Variants in RGS12 observed in about 807,000 individuals in gnomAD.
The protein encoded by RGS12 is regulator of G protein signaling 12, also known as regulator of G-protein signaling 12.
Under a neutral mutation model 120.1 loss-of-function variants are expected in RGS12, and 66 were observed. The ratio of observed to expected loss-of-function variants is 0.55; its 90% confidence interval spans 0.45 to 0.67. The LOEUF (loss-of-function observed/expected upper bound fraction) is 0.67, where lower values mean the gene tolerates loss of function less well. Ranked by LOEUF, RGS12 falls within the 30% of genes least tolerant of loss-of-function variation. The pLI is 0.00. For missense variants in RGS12, 1,859 were observed against 1,957.7 expected (o/e 0.95, Z 0.95); for synonymous variants, 827 against 804.7 (o/e 1.03, Z -0.47).
At chr4:3,392,859 A>G (rs1719649381) in intron 4 of RGS12, among the ~76,000 whole-genome samples, 1 of 152,134 alleles carries the variant, frequency 6.6e-6, no homozygotes, top group South Asian at 2.1e-4. Context: ...ATGGTGGCAG[A>G]TGCCTGTAAT....
At chr4:3,402,753 G>A (rs908884202) in intron 4 of RGS12, among the ~76,000 whole-genome samples, 6 of 152,188 alleles carry the variant, frequency 3.9e-5, no homozygotes, top group Admixed American at 3.3e-4. Flanking sequence ...GAAGAAGAAT[G>A]TCTTTACAAA....
At chr4:3,295,990 G>A (rs1391199070) in intron 1 of RGS12, among the ~76,000 whole-genome samples, 1 of 152,180 alleles carries the variant, frequency 6.6e-6, no homozygotes, top group Non-Finnish European at 1.5e-5. Context: ...GCTCCCTCCC[G>A]AGGCACTGGA....
rs765558140 is a variant in RGS12 at position 3,428,686 on chromosome 4, G to A, written c.3540G>A (p.Gln1180=). ...CAAAGATTGGGAAAAAAAAATATCA[G>A]AAAATTAATTTGGACGAAGCAGAGG... ...SIAKIGKKKY[Q]KINLDEAEEF... Residue 1180 remains glutamine, a synonymous_variant, in exon 16 of 18, where the codon CAG becomes CAA. Coordinates refer to ENST00000336727, the MANE Select transcript of RGS12 (RefSeq NM_001394154.1). 1 of 1,594,806 alleles carries A rather than the reference G, an allele frequency of 6.3e-7. No homozygotes were observed. Among genetic ancestry groups the A allele is most frequent in the South Asian group, 1.2e-5 (1 of 86,550 alleles).
chr4:3,317,261 C>T lies in RGS12; in HGVS notation c.1091C>T (p.Thr364Met), dbSNP rs780443567. ...GCTCGGCGGTTTGGGTTTGAGTGCACGGCCGACCCAGACACCAATGGCTGT... is the reference window on the plus strand; with the variant it reads ...GCTCGGCGGTTTGGGTTTGAGTGCATGGCCGACCCAGACACCAATGGCTGT... ...GIARRFGFEC[T>M]ADPDTNGCLE... Residue 364 changes from threonine to methionine, a missense_variant, in exon 2 of 18, where the codon ACG (threonine) becomes ATG (methionine). By Grantham distance (81) the Thr-to-Met change is moderately conservative. Around this residue, in one of 3 missense-constraint regions of RGS12, gnomAD observed 967 missense variants for 994.2 expected, o/e 0.97. Coordinates refer to ENST00000336727, the MANE Select transcript of RGS12 (RefSeq NM_001394154.1). 1.2e-5 allele frequency: 20 copies of T among 1,614,024 alleles called. No homozygotes were observed. The highest frequency in any genetic ancestry group is 6.7e-5 in the African/African-American group (5 of 74,928).
Position 3,389,981 on chromosome 4 carries a change from C to T in RGS12, c.2020+3544C>T, listed in dbSNP as rs1719312050. On this transcript the variant is annotated intron_variant, in intron 4 of 17. Coordinates refer to ENST00000336727, the MANE Select transcript of RGS12 (RefSeq NM_001394154.1). The surrounding 1 kb of genome is among the most constrained non-coding windows in gnomAD (Gnocchi z 5.2). ...CTCTGTCCACTCAGCTGCCCCCCTA[C>T]TCGTCCTCCATGCAGACCTCAGTCT... Among the ~76,000 whole-genome samples, 2 of 152,192 alleles carry T rather than the reference C, an allele frequency of 1.3e-5. No individual in the cohort carries two copies. The highest frequency in any genetic ancestry group is 1.3e-4 in the Admixed American group (2 of 15,278).
chr4:3,362,621 G>A (rs2108848062), intron 3 of RGS12, among the ~76,000 whole-genome samples: 2 of 142,736 alleles, frequency 1.4e-5, no homozygotes, highest in African/African-American at 5.3e-5. Flanking sequence ...TCGTGAGGGG[G>A]TGTGTGTGAA....
chr4:3,401,832 C>T (rs376993067), intron 4 of RGS12, among the ~76,000 whole-genome samples: 3 of 152,258 alleles, frequency 2.0e-5, no homozygotes, highest in Non-Finnish European at 4.4e-5. Flanking sequence ...CTTGCCCACC[C>T]GGTTTTAGGA....
At chr4:3,292,758 G>A (rs1723100870), upstream of RGS12, among the ~76,000 whole-genome samples, 1 of 152,206 alleles carries the variant, frequency 6.6e-6, no homozygotes, top group South Asian at 2.1e-4. Flanking sequence ...GTGCGCACCA[G>A]CGCCGCCGCG....
intron 1 of RGS12, among the ~76,000 whole-genome samples, chr4:3,309,670 G>A (rs1273767059): frequency 1.7e-5 from 2 of 121,072 alleles, no homozygotes; most frequent in Non-Finnish European, 3.6e-5. Flanking sequence ...CCCTGGAATG[G>A]CAGGTGTCCG....
chr4:3,370,808 G>T (rs1411835079), intron 3 of RGS12, among the ~76,000 whole-genome samples: 1 of 152,218 alleles, frequency 6.6e-6, no homozygotes, highest in East Asian at 1.9e-4. Context: ...TCATATTGGT[G>T]ATTACTATAT....
intron 1 of RGS12, among the ~76,000 whole-genome samples, chr4:3,301,387 AGT>A (rs1723678332): frequency 6.6e-6 from 1 of 152,200 alleles, no homozygotes; most frequent in African/African-American, 2.4e-5. Flanking sequence ...AACACAAAAC[AGT>A]GGTGGAACCC....
intron 4 of RGS12, among the ~76,000 whole-genome samples, chr4:3,411,307 G>A (rs942361982): frequency 3.9e-5 from 6 of 152,206 alleles, no homozygotes; most frequent in East Asian, 1.9e-4. Flanking sequence ...TGTCCCCTGC[G>A]TGTTCGGGAT....
intron 1 of RGS12, among the ~76,000 whole-genome samples, chr4:3,309,422 G>C (rs1724185638): frequency 7.0e-6 from 1 of 142,906 alleles, no homozygotes; most frequent in Admixed American, 6.9e-5. Context: ...CCGCTGAGGG[G>C]AACCGTGCAG....
chr4:3,405,791 C>T (rs1027036515), intron 4 of RGS12, among the ~76,000 whole-genome samples: 18 of 152,198 alleles, frequency 1.2e-4, no homozygotes, highest in African/African-American at 3.6e-4. Context: ...GGGAGAGGGA[C>T]GGGATGATAC....
At chr4:3,363,049 A>G (rs115471677) in intron 3 of RGS12, among the ~76,000 whole-genome samples, 2,624 of 134,584 alleles carry the variant, frequency 0.019, 62 homozygotes, top group African/African-American at 0.065. Flanking sequence ...GCGAGGGTGT[A>G]TGTGTGTGTG....
At chr4:3,319,942 G>A (rs991480535) in intron 2 of RGS12, among the ~76,000 whole-genome samples, 1 of 152,368 alleles carries the variant, frequency 6.6e-6, no homozygotes. Flanking sequence ...TGGGCTGCCT[G>A]TATTGGGCAG....
At chr4:3,326,829 A>G (rs956704237) in intron 2 of RGS12, among the ~76,000 whole-genome samples, 4 of 152,242 alleles carry the variant, frequency 2.6e-5, no homozygotes, top group Non-Finnish European at 1.5e-5. Flanking sequence ...AAACCAATGG[A>G]AAAACATCCA....
chr4:3,431,885 C>T (rs1724342769), intron 17 of RGS12: 1 of 985,542 alleles, frequency 1.0e-6, no homozygotes, highest in Non-Finnish European at 1.2e-6. Context: ...CTTGTCAGAC[C>T]TGTAGCCTGG....
intron 3 of RGS12, among the ~76,000 whole-genome samples, chr4:3,363,491 A>G (rs891317140): frequency 3.3e-5 from 5 of 151,236 alleles, no homozygotes; most frequent in African/African-American, 1.2e-4. Context: ...CGGGGCCTGA[A>G]CTGCTGCTTG....
Sources: gnomAD v4.1 joint callset for allele counts (sites outside exome capture counted in the v4.1 genomes callset) on GRCh38, gnomAD v4.1.1 for gene constraint, gnomAD v4.1.1 regional missense constraint, Gnocchi (gnomAD v3.1) non-coding constraint, MANE v1.5 for transcripts, NCBI Gene and HGNC (gene_info 2026-07-23, HGNC 2026-07-21) for gene names.